Variants in CAST observed in about 807,000 individuals in gnomAD.
CAST encodes MIR583 host.
A neutral mutation model predicts 119.6 loss-of-function variants in CAST; 76 were observed. The ratio of observed to expected loss-of-function variants is 0.64; its 90% CI spans 0.53 to 0.77. The LOEUF is 0.77. Ranked by LOEUF, CAST falls within the 30% of genes least tolerant of loss-of-function variation. CAST has a pLI of 0.00. For synonymous variants in CAST, 319 were observed against 331.6 expected, an observed-to-expected ratio of 0.96 and a Z score of 0.41; for missense variants, 953 against 946.5, an observed-to-expected ratio of 1.01 and a Z score of -0.09.
chr5:96,392,800 A>C, the CAST span: 1 of 631,182 alleles, frequency 1.6e-6, no homozygotes, highest in Non-Finnish European at 2.8e-6. Flanking sequence ...GTTTTGAAAT[A>C]CCTATGATCA....
the CAST span, among the ~76,000 whole-genome samples, chr5:96,296,453 A>C: frequency 6.6e-6 from 1 of 152,206 alleles, no homozygotes; most frequent in Non-Finnish European, 1.5e-5. Flanking sequence ...TAAATTCATA[A>C]GATATTACTT....
chr5:96,640,172 A>G (rs1747933303), intron 1 of CAST, among the ~76,000 whole-genome samples: 1 of 152,198 alleles, frequency 6.6e-6, no homozygotes, highest in Non-Finnish European at 1.5e-5. Context: ...AGTTTTGTGC[A>G]TAAAGGAAAG....
At chr5:96,721,636 C>T (rs985270045) in intron 3 of CAST, among the ~76,000 whole-genome samples, 2 of 152,052 alleles carry the variant, frequency 1.3e-5, no homozygotes, top group African/African-American at 2.4e-5. Flanking sequence ...GCAGCTCATG[C>T]CAGATGGAAT....
the CAST span, among the ~76,000 whole-genome samples, chr5:96,372,936 G>A: frequency 2.6e-5 from 4 of 152,148 alleles, no homozygotes; most frequent in Non-Finnish European, 4.4e-5. Flanking sequence ...ACAGATGATA[G>A]CACAATGTCC....
the CAST span, among the ~76,000 whole-genome samples, chr5:96,457,011 G>A: frequency 6.6e-6 from 1 of 152,296 alleles, no homozygotes; most frequent in South Asian, 2.1e-4. Context: ...CTGTGGAACT[G>A]TGAGTCAGTT....
chr5:96,367,921 T>A, the CAST span, among the ~76,000 whole-genome samples: 1 of 152,064 alleles, frequency 6.6e-6, no homozygotes, highest in East Asian at 1.9e-4. Context: ...TCGCTCATGC[T>A]GAGAGCTGTA....
At chr5:96,437,691 C>A in the CAST span, among the ~76,000 whole-genome samples, 2 of 152,280 alleles carry the variant, frequency 1.3e-5, no homozygotes, top group Admixed American at 6.5e-5. Context: ...TCAGCCCCCA[C>A]CCCAGAACTA....
At chr5:96,591,123 C>T (rs1746954999) in intron 1 of CAST, among the ~76,000 whole-genome samples, 2 of 152,160 alleles carry the variant, frequency 1.3e-5, no homozygotes, top group African/African-American at 4.8e-5. Flanking sequence ...TACATTGACA[C>T]CAATCCCATA....
intron 1 of CAST, among the ~76,000 whole-genome samples, chr5:96,615,322 C>G (rs1747431995): frequency 6.6e-6 from 1 of 152,198 alleles, no homozygotes; most frequent in Non-Finnish European, 1.5e-5. Flanking sequence ...CAAAGAGCAG[C>G]TGTACAGGAT....
At chr5:95,983,934 T>C in the CAST span, among the ~76,000 whole-genome samples, 67 of 152,232 alleles carry the variant, frequency 4.4e-4, 1 homozygote, top group Middle Eastern at 3.4e-3. Context: ...CAGAATAGAT[T>C]TGGAGGGGTA....
At chr5:96,103,197 ACT>A in the CAST span, among the ~76,000 whole-genome samples, 1 of 151,936 alleles carries the variant, frequency 6.6e-6, no homozygotes, top group Non-Finnish European at 1.5e-5. Flanking sequence ...GGGAATTATA[ACT>A]CTTTTTTAAA....
At chr5:96,572,321 C>T (rs1266063598) in intron 1 of CAST, among the ~76,000 whole-genome samples, 2 of 152,132 alleles carry the variant, frequency 1.3e-5, no homozygotes, top group African/African-American at 4.8e-5. Flanking sequence ...CTACTTCAGC[C>T]TCCCGAGTAG....
the CAST span, among the ~76,000 whole-genome samples, chr5:96,508,649 A>C: frequency 1.3e-5 from 2 of 152,132 alleles, no homozygotes; most frequent in Non-Finnish European, 2.9e-5. Context: ...TGGCTAGTAC[A>C]GGTTAGGCAT....
At chr5:96,465,328 A>G in the CAST span, among the ~76,000 whole-genome samples, 1 of 152,060 alleles carries the variant, frequency 6.6e-6, no homozygotes, top group African/African-American at 2.4e-5. Flanking sequence ...TTTTAAATAT[A>G]CAAAACCATA....
At chr5:96,584,663 G>A (rs76103479) in intron 1 of CAST, 3,191 of 152,308 alleles carry the variant, frequency 0.021, 57 homozygotes, top group Middle Eastern at 0.037. Flanking sequence ...CACCTCTAGG[G>A]ATGGGAGAAA....
At chr5:96,325,741 A>C in the CAST span, among the ~76,000 whole-genome samples, 1 of 152,118 alleles carries the variant, frequency 6.6e-6, no homozygotes, top group Admixed American at 6.5e-5. Context: ...TGGCTTCCCG[A>C]GGTGCTCGGA....
chr5:96,331,202 T>A, the CAST span, among the ~76,000 whole-genome samples: 1 of 152,220 alleles, frequency 6.6e-6, no homozygotes, highest in Admixed American at 6.5e-5. Context: ...ATGAGAAAAC[T>A]GAGGACCAGG....
At chr5:95,993,787 GA>G in the CAST span, among the ~76,000 whole-genome samples, 9 of 151,926 alleles carry the variant, frequency 5.9e-5, no homozygotes, top group Non-Finnish European at 1.2e-4. Flanking sequence ...CCAATAATAA[GA>G]AAACAACTTT....
intron 1 of CAST, among the ~76,000 whole-genome samples, chr5:96,623,924 C>T (rs2150200122): frequency 6.6e-6 from 1 of 152,158 alleles, no homozygotes; most frequent in Non-Finnish European, 1.5e-5. Flanking sequence ...GTCTCAAACT[C>T]CGAGACTCAA....
Sources: allele counts gnomAD v4.1 joint callset (sites outside exome capture counted in the v4.1 genomes callset), GRCh38; gene constraint gnomAD v4.1.1; transcripts MANE v1.5; gene names NCBI Gene and HGNC (gene_info 2026-07-23, HGNC 2026-07-21).